Variants in GALNT2 observed in about 807,000 individuals in gnomAD.
GALNT2 encodes the protein UDP-GalNAc:polypeptide N-acetylgalactosaminyltransferase 2.
In GALNT2, 31 loss-of-function variants were observed where a neutral mutation model predicts 81.4. The observed-to-expected ratio is 0.38, with a 90% CI of 0.29 to 0.51. The LOEUF is 0.51. Among genes scored for constraint, GALNT2 ranks in the 20% least tolerant of loss-of-function variants. The pLI is 0.87. For missense variants in GALNT2, 629 were observed against 765.7 expected, an observed-to-expected ratio of 0.82 and a Z score of 2.11; for synonymous variants, 303 against 287.4, an observed-to-expected ratio of 1.05 and a Z score of -0.55.
At chr1:230,140,610 G>A (rs1313023027) in intron 1 of GALNT2, among the ~76,000 whole-genome samples, 2 of 152,212 alleles carry the variant, frequency 1.3e-5, no homozygotes, top group African/African-American at 2.4e-5. Flanking sequence ...CTGGAGTGAC[G>A]CGCTGCCACA....
At chr1:230,090,356 A>G (rs1204842701) in intron 1 of GALNT2, among the ~76,000 whole-genome samples, 1 of 152,172 alleles carries the variant, frequency 6.6e-6, no homozygotes, top group Non-Finnish European at 1.5e-5. Context: ...CGTGTCTTCC[A>G]GTCTGAAGTG....
rs747317286 is a variant in GALNT2 at position 230,070,962 on chromosome 1, G to C, written c.126+3556G>C. On this transcript the variant is annotated intron_variant, in intron 1 of 15. Transcript: ENST00000366672. The surrounding 1 kb of genome is among the most constrained non-coding windows in gnomAD (Gnocchi z 4.7). ...CTCTTTGTGCTTAGTGACCTTCACTGATGCATTGAACCTCTCTGACCCTCA... is the reference window on the plus strand; with the variant it reads ...CTCTTTGTGCTTAGTGACCTTCACTCATGCATTGAACCTCTCTGACCCTCA... 1.3e-5 allele frequency among the ~76,000 whole-genome samples: 2 copies of C among 152,164 alleles called. No individual in the cohort carries two copies. Among genetic ancestry groups the C allele is most frequent in the Non-Finnish European group, 2.9e-5 (2 of 68,032 alleles).
At chr1:230,132,119 A>G (rs1169216251) in intron 1 of GALNT2, among the ~76,000 whole-genome samples, 1 of 152,148 alleles carries the variant, frequency 6.6e-6, no homozygotes, top group Non-Finnish European at 1.5e-5. Context: ...TTCCCTTAAA[A>G]TAGTTACTTT....
chr1:230,218,517 A>G (rs1205221504), intron 3 of GALNT2, among the ~76,000 whole-genome samples: 1 of 152,232 alleles, frequency 6.6e-6, no homozygotes, highest in Non-Finnish European at 1.5e-5. Context: ...GACTTAGCAC[A>G]GTGGCTGGCA....
chr1:230,165,402 C>T (rs962048122), intron 1 of GALNT2, among the ~76,000 whole-genome samples: 4 of 152,186 alleles, frequency 2.6e-5, no homozygotes, highest in African/African-American at 9.7e-5. Flanking sequence ...TAAGTTTCTT[C>T]TGTTTTTTCT....
intron 2 of GALNT2, among the ~76,000 whole-genome samples, chr1:230,202,931 A>G (rs1663946607): frequency 6.6e-6 from 1 of 152,208 alleles, no homozygotes; most frequent in South Asian, 2.1e-4. Context: ...TCATGCTGTA[A>G]ATGGCAAACC....
intron 3 of GALNT2, among the ~76,000 whole-genome samples, chr1:230,221,128 T>A (rs1412976866): frequency 6.6e-6 from 1 of 152,226 alleles, no homozygotes; most frequent in African/African-American, 2.4e-5. Flanking sequence ...TTTCTATAAA[T>A]ACAATGACAG....
intron 1 of GALNT2, among the ~76,000 whole-genome samples, chr1:230,148,358 C>G (rs1484114362): frequency 6.6e-6 from 1 of 152,240 alleles, no homozygotes; most frequent in Admixed American, 6.5e-5. Flanking sequence ...TAGTTCAGCA[C>G]AGTCCCTTCC....
At chr1:230,081,464 TGA>T (rs1659726213) in intron 1 of GALNT2, among the ~76,000 whole-genome samples, 1 of 150,608 alleles carries the variant, frequency 6.6e-6, no homozygotes, top group Non-Finnish European at 1.5e-5. Context: ...TTCAACATCT[TGA>T]GCTGTTACTA....
At chr1:230,120,618 T>C (rs1413248256) in intron 1 of GALNT2, among the ~76,000 whole-genome samples, 1 of 152,176 alleles carries the variant, frequency 6.6e-6, no homozygotes, top group Non-Finnish European at 1.5e-5. Flanking sequence ...TCAGCTCCGA[T>C]CTGCCCTTCC....
chr1:230,275,084 CAT>C lies in GALNT2; in HGVS notation c.1560+528_1560+529del, dbSNP rs1172446555. ...TATATACGTATATATATACACACCA[CAT>C]ATATATACATGTATACACACCACAT... On this transcript the variant is annotated intron_variant, in intron 15 of 15. Coordinates refer to ENST00000366672, the MANE Select transcript of GALNT2 (RefSeq NM_004481.5). This position sits in a 1 kb window ranked among gnomAD's most constrained non-coding sequence, Gnocchi z 5.5. 1.3e-5 allele frequency among the ~76,000 whole-genome samples: 2 copies of C among 150,504 alleles called. No individual in the cohort carries two copies. Among genetic ancestry groups the C allele is most frequent in the African/African-American group, 2.5e-5 (1 of 40,684 alleles).
chr1:230,136,945 C>T (rs1245799350), intron 1 of GALNT2, among the ~76,000 whole-genome samples: 1 of 152,226 alleles, frequency 6.6e-6, no homozygotes, highest in African/African-American at 2.4e-5. Flanking sequence ...ACCTCACGGA[C>T]AGCGAAGCCA....
rs1665921453 is a variant in GALNT2 at position 230,262,906 on chromosome 1, T to C, written c.1230-16T>C. ...TCTTAAAATTTATAAAGGAATCTTA[T>C]TTCCCTCTTCTCCAGTATTCAGAGC... On this transcript the variant is annotated splice_polypyrimidine_tract_variant and intron_variant, in intron 12 of 15. Coordinates refer to ENST00000366672, the MANE Select transcript of GALNT2 (RefSeq NM_004481.5). 1.9e-6 allele frequency: 3 copies of C among 1,609,256 alleles called. No homozygotes were observed. Among genetic ancestry groups the C allele is most frequent in the Admixed American group, 1.7e-5 (1 of 59,750 alleles).
rs565364086 is a variant in GALNT2 at position 230,263,244 on chromosome 1, C to A, written c.1313+239C>A. On this transcript the variant is annotated intron_variant, in intron 13 of 15. Transcript: ENST00000366672. ...CATGCTTCGGAGTCCCAGAGGCAGT[C>A]CCCCGGGCCTCACCTTGTTTTTGGC... The A allele has an allele frequency of 2.1e-3, 1,073 of 512,836 alleles. 5 individuals are homozygous for A. The highest frequency in any genetic ancestry group is 2.8e-3 in the Non-Finnish European group (789 of 285,848). The allele number at this position is 512,836 out of a possible 1,614,324, so 31.8% of individuals were successfully genotyped here. A position where few individuals can be genotyped will look rare whatever the true frequency, so the allele number is the denominator to read the frequency against.
chr1:230,063,640 C>G (rs142009463), upstream of GALNT2, among the ~76,000 whole-genome samples: 526 of 152,314 alleles, frequency 3.5e-3, 11 homozygotes, highest in Non-Finnish European at 1.2e-3. Context: ...AGTTTAATCT[C>G]TATCATACAT....
chr1:230,155,454 C>T (rs1183035349), intron 1 of GALNT2, among the ~76,000 whole-genome samples: 1 of 152,184 alleles, frequency 6.6e-6, no homozygotes, highest in East Asian at 1.9e-4. Context: ...TACAATTCAA[C>T]CTGTAGCTGT....
chr1:230,114,690 CTT>C (rs1335969124), intron 1 of GALNT2, among the ~76,000 whole-genome samples: 1 of 152,170 alleles, frequency 6.6e-6, no homozygotes, highest in Non-Finnish European at 1.5e-5. Flanking sequence ...CTCAGCTCAC[CTT>C]TTAGTCTGGT....
At chr1:230,278,204 G>T (rs556029051) in intron 15 of GALNT2, among the ~76,000 whole-genome samples, 1 of 149,130 alleles carries the variant, frequency 6.7e-6, no homozygotes, top group African/African-American at 2.5e-5. Context: ...CTGCAGCCTC[G>T]AACTCCTGTG....
chr1:230,074,148 A>G (rs1173326304), intron 1 of GALNT2, among the ~76,000 whole-genome samples: 4 of 151,462 alleles, frequency 2.6e-5, no homozygotes, highest in African/African-American at 7.3e-5. Flanking sequence ...GTTAGAGCTC[A>G]GTGGTACAAC....
Sources: allele counts gnomAD v4.1 joint callset (sites outside exome capture counted in the v4.1 genomes callset), GRCh38; gene constraint gnomAD v4.1.1; non-coding constraint Gnocchi (gnomAD v3.1); transcripts MANE v1.5; gene names NCBI Gene and HGNC (gene_info 2026-07-23, HGNC 2026-07-21).